PNPT1: variants seen among roughly 807,000 people sequenced by gnomAD.
The protein encoded by PNPT1 is polyribonucleotide nucleotidyltransferase 1.
A neutral mutation model predicts 119.5 loss-of-function variants in PNPT1; 53 were observed. The observed-to-expected ratio is 0.44, with a 90% CI of 0.36 to 0.56. The LOEUF (loss-of-function observed/expected upper bound fraction) is 0.56, where lower values mean the gene tolerates loss of function less well. Ranked by LOEUF, PNPT1 falls within the 20% of genes least tolerant of loss-of-function variation. The probability of loss-of-function intolerance (pLI) is 0.00; values close to 1 mark genes in which losing one functional copy is unlikely to be tolerated. For missense variants in PNPT1, 948 were observed against 938.5 expected (o/e 1.01, Z -0.13); for synonymous variants, 357 against 322.1 (o/e 1.11, Z -1.16).
In PNPT1 at chr2:55,634,462, G is replaced by T. The variant is rs373026455; in HGVS notation, c.*1775C>A. 1 of 148,286 alleles carries T rather than the reference G, an allele frequency of 6.7e-6. No individual in the cohort carries two copies. Among genetic ancestry groups the T allele is most frequent in the African/African-American group, 2.5e-5 (1 of 40,086 alleles). 9.2% of individuals were successfully genotyped at this position (148,286 alleles called of 1,614,324 possible). A position where few individuals can be genotyped will look rare whatever the true frequency, so the allele number is the denominator to read the frequency against. ...TTTTTAGTAGAGATGGGGTTTTACC[G>T]TGTTGGCCAGGCTGGTCTTGAATTC... On this transcript the variant is annotated 3_prime_UTR_variant, in exon 28 of 28. Transcript: ENST00000447944.
chr2:55,690,725 G>T (rs1039515924), intron 1 of PNPT1, among the ~76,000 whole-genome samples: 3 of 152,068 alleles, frequency 2.0e-5, no homozygotes, highest in African/African-American at 4.8e-5. Context: ...GAATATTTGA[G>T]AAATTCTAGT....
At chr2:55,661,342 C>T (rs1161415896) in intron 14 of PNPT1, among the ~76,000 whole-genome samples, 4 of 152,002 alleles carry the variant, frequency 2.6e-5, no homozygotes, top group Non-Finnish European at 4.4e-5. Context: ...CCACCCACCT[C>T]GGCCTCCCAA....
At chr2:55,691,878 A>ATATATATATATATTTT (rs1326804958) in intron 1 of PNPT1, among the ~76,000 whole-genome samples, 4 of 33,118 alleles carry the variant, frequency 1.2e-4, no homozygotes, top group Non-Finnish European at 2.3e-4. Flanking sequence ...ATATATATAT[A>ATATATATATATATTTT]TTTTTTTTTT....
chr2:55,679,504 C>T (rs1262806281), intron 8 of PNPT1, among the ~76,000 whole-genome samples, 178 bp downstream of exon 8: 1 of 151,696 alleles, frequency 6.6e-6, no homozygotes, highest in African/African-American at 2.4e-5. Flanking sequence ...TGAATAAAAT[C>T]CTGTAATTTT....
chr2:55,651,933 T>C (rs1312006391), intron 18 of PNPT1, among the ~76,000 whole-genome samples: 2 of 151,538 alleles, frequency 1.3e-5, no homozygotes, highest in East Asian at 3.8e-4. Flanking sequence ...GGTTCTACTT[T>C]ATTACCTTAA....
At chr2:55,654,488 TGG>T (rs1200943751) in intron 18 of PNPT1, among the ~76,000 whole-genome samples, 1 of 152,226 alleles carries the variant, frequency 6.6e-6, no homozygotes, top group Non-Finnish European at 1.5e-5. Flanking sequence ...GAATCAATTC[TGG>T]AGCTCTCTAC....
intron 14 of PNPT1, among the ~76,000 whole-genome samples, chr2:55,661,092 T>G (rs990037461): frequency 4.4e-5 from 1 of 22,696 alleles, no homozygotes; most frequent in African/African-American, 3.4e-4. Flanking sequence ...ATAGAGATTC[T>G]TTTTTTTTTT....
intron 1 of PNPT1, among the ~76,000 whole-genome samples, chr2:55,691,878 A>ATATATATATATATATTTTT (rs1326804958): frequency 3.0e-5 from 1 of 33,124 alleles, no homozygotes; most frequent in Non-Finnish European, 5.9e-5. Flanking sequence ...ATATATATAT[A>ATATATATATATATATTTTT]TTTTTTTTTT....
intron 1 of PNPT1, among the ~76,000 whole-genome samples, chr2:55,691,576 T>C (rs1697601244): frequency 6.6e-6 from 1 of 152,094 alleles, no homozygotes; most frequent in South Asian, 2.1e-4. Flanking sequence ...AGAGTCAAAG[T>C]AGATTATTTA....
intron 22 of PNPT1, 34 bp downstream of exon 22, chr2:55,645,315 C>T (rs775156989): frequency 1.6e-5 from 24 of 1,479,364 alleles, no homozygotes; most frequent in South Asian, 3.4e-5. Flanking sequence ...TGAGCCACCG[C>T]GCCCAGCCGA....
intron 18 of PNPT1, among the ~76,000 whole-genome samples, chr2:55,651,185 G>C (rs1246568305): frequency 1.3e-5 from 2 of 151,248 alleles, no homozygotes; most frequent in East Asian, 3.9e-4. Context: ...CAGCCGCCCC[G>C]TCTGGGAGGT....
At chr2:55,642,203 AG>A (rs1379599491) in intron 25 of PNPT1, among the ~76,000 whole-genome samples, 6 of 152,316 alleles carry the variant, frequency 3.9e-5, no homozygotes, top group Non-Finnish European at 8.8e-5. Context: ...AGCCATCAAA[AG>A]AAAAAAAAAG....
intron 3 of PNPT1, among the ~76,000 whole-genome samples, chr2:55,685,597 C>G (rs181136094): frequency 1.3e-5 from 2 of 152,270 alleles, no homozygotes; most frequent in Non-Finnish European, 2.9e-5. Context: ...GCCACAGATG[C>G]TCATTCTGAT....
At chr2:55,650,227 C>T (rs1407977497) in intron 18 of PNPT1, among the ~76,000 whole-genome samples, 1 of 152,210 alleles carries the variant, frequency 6.6e-6, no homozygotes, top group Non-Finnish European at 1.5e-5. Context: ...CGAGCTGAAG[C>T]TGGACGGTAC....
In PNPT1 at chr2:55,634,211, T is replaced by A. The variant is rs1695593865; in HGVS notation, c.*2026A>T. ...CTTAAAAATCTTTGGTTTAGCCAGA[T>A]AAATTTGTAATATTTTATGAACTAG... is the stretch of plus-strand genomic sequence containing the variant. On this transcript the variant is annotated 3_prime_UTR_variant, in exon 28 of 28. Coordinates refer to ENST00000447944, the MANE Select transcript of PNPT1 (RefSeq NM_033109.5). 1 of 151,828 alleles carries A rather than the reference T, an allele frequency of 6.6e-6. No individual in the cohort carries two copies. The highest frequency in any genetic ancestry group is 2.1e-4 in the South Asian group (1 of 4,820). The allele number at this position is 151,828 out of a possible 1,614,324, so 9.4% of individuals were successfully genotyped here.
At chr2:55,646,042 G>A (rs1378487342) in intron 21 of PNPT1, among the ~76,000 whole-genome samples, 2 of 152,080 alleles carry the variant, frequency 1.3e-5, no homozygotes, top group Admixed American at 6.6e-5. Flanking sequence ...TGGCCAGGCT[G>A]GTCTCGAACT....
rs749696929 is a variant in PNPT1, at chr2:55,636,288, ACTT to A, written c.2298_2300del (p.Arg766del). 6.2e-7 allele frequency: 1 copy of A among 1,613,710 alleles called. No individual in the cohort carries two copies. The highest frequency in any genetic ancestry group is 1.7e-5 in the Admixed American group (1 of 59,994). ...AAATAGGTTCTCCCATTACAATACT[ACTT>A]CTGTCATTCAAAGTTCTGACCACGG... On this transcript the variant is annotated inframe_deletion, in exon 28 of 28. Coordinates refer to ENST00000447944, the MANE Select transcript of PNPT1 (RefSeq NM_033109.5).
At position 55,676,382 on chromosome 2, in the gene PNPT1, A is replaced by C. The variant is rs1004989874; in HGVS notation, c.679+3300T>G. 1.3e-5 allele frequency among the ~76,000 whole-genome samples: 2 copies of C among 152,130 alleles called. 1 individual carries two copies. Among genetic ancestry groups the C allele is most frequent in the Admixed American group, 1.3e-4 (2 of 15,270 alleles). On this transcript the variant is annotated intron_variant, in intron 8 of 27. Coordinates refer to ENST00000447944, the MANE Select transcript of PNPT1 (RefSeq NM_033109.5). ...AATTCTAGACCCAAAATATCTTCTA[A>C]AAACATGTTACTGGTATACTTTTTC...
At chr2:55,683,675 C>A in intron 5 of PNPT1, 110 bp downstream of exon 5, 13 of 833,444 alleles carry the variant, frequency 1.6e-5, no homozygotes, top group East Asian at 3.1e-5. Flanking sequence ...ATAACAGTAT[C>A]ATAAAAAATT....
Sources: gnomAD v4.1 joint callset for allele counts (sites outside exome capture counted in the v4.1 genomes callset) on GRCh38, gnomAD v4.1.1 for gene constraint, MANE v1.5 for transcripts, NCBI Gene and HGNC (gene_info 2026-07-23, HGNC 2026-07-21) for gene names.